The following CFAP69 variants were observed in gnomAD, a reference collection of about 807,000 sequenced individuals.
The protein encoded by CFAP69 is cilia and flagella associated protein 69.
In CFAP69, 92 loss-of-function variants were observed where a neutral mutation model predicts 123.0. The ratio of observed to expected loss-of-function variants is 0.75; its 90% CI spans 0.63 to 0.89. The LOEUF is 0.89. CFAP69 is among the 40% of genes least tolerant of loss of function. The pLI is 0.00. For synonymous variants in CFAP69, 380 were observed against 364.3 expected (o/e 1.04, Z -0.49); for missense variants, 1,067 against 1,096.9 (o/e 0.97, Z 0.39).
intron 12 of CFAP69, among the ~76,000 whole-genome samples, chr7:90,281,613 ATAAAT>A (rs1440322014): frequency 2.6e-5 from 4 of 152,220 alleles, no homozygotes. Flanking sequence ...TGCAAAAGTA[ATAAAT>A]TAAAGATGTA....
chr7:90,303,232 T>A (rs1793072452), intron 17 of CFAP69: 1 of 151,780 alleles, frequency 6.6e-6, no homozygotes, highest in African/African-American at 2.4e-5. Flanking sequence ...GACTATGGAG[T>A]TTTCTAGATA....
Position 90,262,057 on chromosome 7 carries a change from G to GT in CFAP69, c.356+2dup. ...CATATGATATCATAAAACTGTGTGGGTAAGTTATCTTTCTTTAACTTTATT... is the reference window on the plus strand; with the variant it reads ...CATATGATATCATAAAACTGTGTGGGTTAAGTTATCTTTCTTTAACTTTATT... On this transcript the variant is annotated splice_donor_variant, in intron 4 of 22. Transcript: ENST00000389297. LOFTEE classifies it high-confidence loss of function. 1 of 1,543,474 alleles carries GT rather than the reference G, an allele frequency of 6.5e-7. No homozygotes were observed. The highest frequency in any genetic ancestry group is 8.8e-7 in the Non-Finnish European group (1 of 1,134,238).
Position 90,248,479 on chromosome 7 carries a change from TG to T in CFAP69, c.120+2936del, listed in dbSNP as rs982255876. 6.6e-5 allele frequency among the ~76,000 whole-genome samples: 10 copies of T among 152,334 alleles called. No individual in the cohort carries two copies. The South Asian group carries it at 1.7e-3, about 25-fold the overall frequency. ...TAAATTCTATCTAAGCTACTACAAA[TG>T]ATATTCACAGAGTATTAGATTTTTC... is the stretch of plus-strand genomic sequence containing the variant. On this transcript the variant is annotated intron_variant, in intron 1 of 22. Coordinates refer to ENST00000389297, the MANE Select transcript of CFAP69 (RefSeq NM_001039706.3).
chr7:90,306,725 A>T (rs1369631490), intron 19 of CFAP69, among the ~76,000 whole-genome samples, 176 bp from the exon 20 acceptor site: 1 of 152,222 alleles, frequency 6.6e-6, no homozygotes, highest in Admixed American at 6.5e-5. Context: ...ATTCCTACTG[A>T]GTACTCAAAT....
At chr7:90,313,678 C>T (rs1407411227), downstream of CFAP69, among the ~76,000 whole-genome samples, 1 of 150,358 alleles carries the variant, frequency 6.7e-6, no homozygotes, top group Non-Finnish European at 1.5e-5. Context: ...TTCATAAATC[C>T]ATACTGATAT....
chr7:90,305,062 G>C (rs903719234), intron 19 of CFAP69, among the ~76,000 whole-genome samples: 8 of 152,120 alleles, frequency 5.3e-5, no homozygotes, highest in Non-Finnish European at 1.2e-4. Context: ...ACTGATATAA[G>C]CCGGGCACGG....
Position 90,279,724 on chromosome 7 carries a change from G to C in CFAP69, c.1203G>C (p.Lys401Asn). ...KVILALFTYV[K>N]KPEKQKIIDW... ...TTTTGGCTTTGTTTACCTATGTTAA[G>C]AAGCCTGAGAAGCAAAAAATAATTG... The change falls in exon 12 of 23, where the codon AAG becomes AAC. Residue 401 changes from lysine (K) to asparagine (N), a missense_variant. By Grantham distance (94) the Lys-to-Asn change is moderately conservative. Transcript: ENST00000389297. 6.2e-7 allele frequency: 1 copy of C among 1,611,080 alleles called. No individual in the cohort carries two copies. The highest frequency in any genetic ancestry group is 8.5e-7 in the Non-Finnish European group (1 of 1,179,174).
At chr7:90,265,219 G>A in intron 4 of CFAP69, 82 bp from the exon 5 acceptor site, 1 of 794,144 alleles carries the variant, frequency 1.3e-6, no homozygotes, top group East Asian at 2.5e-5. Flanking sequence ...CTTTAGAAAT[G>A]AACTCTCCCC....
rs1316980725 is a variant in CFAP69, at chr7:90,249,013, CTA to C, written c.120+3470_120+3471del. 2.0e-5 allele frequency among the ~76,000 whole-genome samples: 3 copies of C among 152,302 alleles called. No individual in the cohort carries two copies. The East Asian group carries it at 5.8e-4, about 29-fold the overall frequency. ...TAACTTTCTGCTATTATTAATGACT[CTA>C]GTCATAACAGCTTTATTAAATTATT... On this transcript the variant is annotated intron_variant, in intron 1 of 22. Coordinates refer to ENST00000389297, the MANE Select transcript of CFAP69 (RefSeq NM_001039706.3).
chr7:90,268,398 TG>T lies in CFAP69; in HGVS notation c.532+16del, dbSNP rs1226412399. 1.9e-6 allele frequency: 3 copies of T among 1,566,294 alleles called. No homozygotes were observed. The highest frequency in any genetic ancestry group is 2.6e-6 in the Non-Finnish European group (3 of 1,139,988). On this transcript the variant is annotated intron_variant, in intron 6 of 22. Transcript: ENST00000389297. The stretch of plus-strand genomic sequence containing the variant: ...AGCATATTCCAGGTGAAGTTTACAA[TG>T]GTCTTTCAGTGATAACTTGTGTATG...
intron 16 of CFAP69, among the ~76,000 whole-genome samples, chr7:90,299,499 A>T (rs537883197): frequency 1.1e-4 from 16 of 152,254 alleles, no homozygotes; most frequent in African/African-American, 3.8e-4. Context: ...AAAGCATATA[A>T]ATTGGAAAGA....
rs1448970822 is a variant in CFAP69 at position 90,310,631 on chromosome 7, GA to G, written c.*394del. On this transcript the variant is annotated 3_prime_UTR_variant, in exon 23 of 23. Coordinates refer to ENST00000389297, the MANE Select transcript of CFAP69 (RefSeq NM_001039706.3). Reference sequence around the variant, plus strand: ...CTGAATCTAAGGACTAAAACTATATGAGTAGGATCTTCTCCTTCCCTAGCAG... The same window carrying G: ...CTGAATCTAAGGACTAAAACTATATGGTAGGATCTTCTCCTTCCCTAGCAG... The G allele has an allele frequency of 6.5e-6, 1 of 152,822 alleles. No homozygotes were observed. The highest frequency in any genetic ancestry group is 1.9e-4 in the East Asian group (1 of 5,236). 9.5% of individuals were successfully genotyped at this position (152,822 alleles called of 1,614,324 possible).
intron 16 of CFAP69, among the ~76,000 whole-genome samples, chr7:90,298,462 G>T (rs1335296741): frequency 1.3e-5 from 2 of 152,240 alleles, no homozygotes; most frequent in Non-Finnish European, 2.9e-5. Flanking sequence ...ATAAAATTTT[G>T]AGAGAGATTC....
chr7:90,265,223 T>C, intron 4 of CFAP69, 78 bp from the exon 5 acceptor site: 1 of 815,436 alleles, frequency 1.2e-6, no homozygotes, highest in Non-Finnish European at 2.0e-6. Flanking sequence ...AGAAATGAAC[T>C]CTCCCCCACT....
chr7:90,285,550 A>G (rs1200263504), intron 13 of CFAP69, among the ~76,000 whole-genome samples: 1 of 152,196 alleles, frequency 6.6e-6, no homozygotes, highest in East Asian at 1.9e-4. Flanking sequence ...TTTAAAGGAC[A>G]TGGAATACTG....
intron 13 of CFAP69, among the ~76,000 whole-genome samples, chr7:90,284,086 C>T (rs1317952175): frequency 6.6e-6 from 1 of 152,036 alleles, no homozygotes; most frequent in East Asian, 1.9e-4. Flanking sequence ...TTTCATATGT[C>T]TAGGAAGAAT....
At position 90,277,066 on chromosome 7, in the gene CFAP69, A is replaced by AT. The variant is rs777124378; in HGVS notation, c.985-6dup. The AT allele has an allele frequency of 1.2e-4, 189 of 1,545,204 alleles. No homozygotes were observed. The highest frequency in any genetic ancestry group is 1.6e-4 in the Non-Finnish European group (180 of 1,141,864). On this transcript the variant is annotated splice_polypyrimidine_tract_variant and splice_region_variant and intron_variant, in intron 9 of 22. Coordinates refer to ENST00000389297, the MANE Select transcript of CFAP69 (RefSeq NM_001039706.3). ...ATCTTTCTGCTTATTTTATGTATTT[A>AT]TATTAGGAATGTGGCTTTACCAAGG...
downstream of CFAP69, among the ~76,000 whole-genome samples, chr7:90,314,782 C>CAT (rs2117539626): frequency 6.6e-6 from 1 of 150,916 alleles, no homozygotes; most frequent in African/African-American, 2.4e-5. Flanking sequence ...AGGTTAGTTA[C>CAT]ATATATATAC....
At chr7:90,282,012 A>T (rs1480842784) in intron 12 of CFAP69, among the ~76,000 whole-genome samples, 1 of 152,204 alleles carries the variant, frequency 6.6e-6, no homozygotes, top group African/African-American at 2.4e-5. Flanking sequence ...TGGCAATCAG[A>T]TAAATGCAAA....
Sources: allele counts gnomAD v4.1 joint callset (sites outside exome capture counted in the v4.1 genomes callset), GRCh38; gene constraint gnomAD v4.1.1; transcripts MANE v1.5; gene names NCBI Gene and HGNC (gene_info 2026-07-23, HGNC 2026-07-21).